Variants in TTC6 observed in about 807,000 individuals in gnomAD.
TTC6 encodes tetratricopeptide repeat domain 6.
Under a neutral mutation model 210.4 loss-of-function variants are expected in TTC6, and 172 were observed. The ratio of observed to expected loss-of-function variants is 0.82; its 90% CI spans 0.72 to 0.93. The LOEUF (loss-of-function observed/expected upper bound fraction) is 0.93. Ranked by LOEUF, TTC6 falls within the 40% of genes least tolerant of loss-of-function variation. TTC6 has a pLI of 0.00. For synonymous variants in TTC6, 804 were observed against 819.6 expected (o/e 0.98, Z 0.32); for missense variants, 2,414 against 2,318.1 (o/e 1.04, Z -0.85).
At chr14:37,804,613 C>T in intron 20 of TTC6, 67 bp from the exon 23 acceptor site, 1 of 1,565,020 alleles carries the variant, frequency 6.4e-7, no homozygotes, top group Non-Finnish European at 8.7e-7. Context: ...ACATATAAGG[C>T]TGTAACGTTA....
chr14:37,676,990 G>A (rs1235295536), intron 1 of TTC6, among the ~76,000 whole-genome samples: 2 of 152,046 alleles, frequency 1.3e-5, no homozygotes, highest in South Asian at 2.1e-4. Flanking sequence ...AAATAGGGAA[G>A]TGTGAGTCCT....
chr14:37,745,385 A>G (rs538670605), intron 10 of TTC6, among the ~76,000 whole-genome samples: 6 of 152,202 alleles, frequency 3.9e-5, no homozygotes, highest in Non-Finnish European at 7.4e-5. Flanking sequence ...CAAGTCTCTG[A>G]TGGTGCCACT....
At chr14:37,757,321 C>T (rs886462454) in intron 14 of TTC6, among the ~76,000 whole-genome samples, 3 of 151,978 alleles carry the variant, frequency 2.0e-5, no homozygotes, top group Admixed American at 2.0e-4. Context: ...AGTGCAGTGG[C>T]TCGATCTTGG....
chr14:37,659,645 C>T (rs566414173), intron 1 of TTC6, among the ~76,000 whole-genome samples: 31 of 152,184 alleles, frequency 2.0e-4, no homozygotes, highest in Admixed American at 3.9e-4. Context: ...CCCAGCCTCC[C>T]GAACAACTGG....
intron 25 of TTC6, among the ~76,000 whole-genome samples, chr14:37,815,134 A>T (rs959385732): frequency 2.0e-5 from 3 of 152,226 alleles, no homozygotes; most frequent in Admixed American, 2.0e-4. Context: ...GATAGTAGAG[A>T]AGAGATGTTC....
intron 9 of TTC6, among the ~76,000 whole-genome samples, chr14:37,738,223 C>T (rs1439901625): frequency 6.6e-6 from 1 of 150,492 alleles, no homozygotes; most frequent in East Asian, 1.9e-4. Flanking sequence ...TAAGCTGATT[C>T]TCTAATGATT....
chr14:37,650,552 T>G (rs2095709352), intron 1 of TTC6, among the ~76,000 whole-genome samples: 1 of 152,216 alleles, frequency 6.6e-6, no homozygotes, highest in Non-Finnish European at 1.5e-5. Flanking sequence ...AAAGCTTTCC[T>G]ATGGGAAAGT....
At chr14:37,794,193 A>G (rs2096086913) in intron 17 of TTC6, among the ~76,000 whole-genome samples, 1 of 152,110 alleles carries the variant, frequency 6.6e-6, no homozygotes, top group Admixed American at 6.5e-5. Context: ...TGATTTATTA[A>G]TTACACCATC....
chr14:37,697,575 G>A (rs2208866), intron 4 of TTC6, among the ~76,000 whole-genome samples: 151,636 of 152,218 alleles, frequency 1, 75,536 homozygotes, highest in Middle Eastern at 1. Context: ...ATGGAAGACA[G>A]CCTTTTTATG....
chr14:37,739,310 C>T (rs1262042817), intron 10 of TTC6, among the ~76,000 whole-genome samples, 155 bp downstream of exon 12: 1 of 152,114 alleles, frequency 6.6e-6, no homozygotes, highest in Non-Finnish European at 1.5e-5. Flanking sequence ...GGCGCCGTGG[C>T]TCATGCCTGT....
At chr14:37,654,690 TAGA>T (rs753886038) in intron 1 of TTC6, among the ~76,000 whole-genome samples, 27 of 152,122 alleles carry the variant, frequency 1.8e-4, no homozygotes, top group Non-Finnish European at 3.5e-4. Context: ...CTTAAGAAAA[TAGA>T]AGAACTGACA....
intron 18 of TTC6, among the ~76,000 whole-genome samples, chr14:37,795,975 T>C (rs1174278054): frequency 6.6e-6 from 1 of 152,148 alleles, no homozygotes; most frequent in Admixed American, 6.6e-5. Context: ...TGTAGATACC[T>C]CCTTCCTTTT....
At chr14:37,701,405 G>C (rs888543227) in exon 5 of TTC6, 1 of 1,532,590 alleles carries the variant, frequency 6.5e-7, no homozygotes, top group African/African-American at 1.4e-5. Context: ...GCTGCCTGTT[G>C]ACTTGCGCCT....
At chr14:37,783,617 T>TG in intron 14 of TTC6, among the ~76,000 whole-genome samples, 1 of 152,306 alleles carries the variant, frequency 6.6e-6, no homozygotes, top group Non-Finnish European at 1.5e-5. Flanking sequence ...GGATTTTTTG[T>TG]GTCTCTATCT....
intron 1 of TTC6, among the ~76,000 whole-genome samples, chr14:37,630,907 G>GTGTTTTTTTTTTTTTTTTTTT (rs2095668293): frequency 3.0e-5 from 1 of 33,064 alleles, no homozygotes. Context: ...GGCAACCCCT[G>GTGTTTTTTTTTTTTTTTTTTT]TTTTTTTTTT....
intron 6 of TTC6, among the ~76,000 whole-genome samples, chr14:37,717,170 A>C (rs76890395): frequency 0.021 from 3,245 of 151,922 alleles, 127 homozygotes; most frequent in African/African-American, 0.074. Flanking sequence ...AGAACCCCCC[A>C]AAAAAAGAGC....
intron 17 of TTC6, among the ~76,000 whole-genome samples, chr14:37,792,991 C>T (rs1023652454): frequency 7.9e-5 from 12 of 152,136 alleles, no homozygotes; most frequent in Admixed American, 5.9e-4. Context: ...GAAAAATCCT[C>T]TCCAATTCCA....
At chr14:37,597,928 C>G (rs1258053788) in intron 1 of TTC6, among the ~76,000 whole-genome samples, 1 of 152,140 alleles carries the variant, frequency 6.6e-6, no homozygotes, top group Non-Finnish European at 1.5e-5. Flanking sequence ...TTGCAAGATA[C>G]CTAACAAATT....
chr14:37,751,830 T>TTTTC (rs2095952966), intron 13 of TTC6, among the ~76,000 whole-genome samples: 1 of 149,034 alleles, frequency 6.7e-6, no homozygotes, highest in Non-Finnish European at 1.5e-5. Context: ...GAACTTTTTT[T>TTTTC]TTTTTTTTTT....
Sources: gnomAD v4.1 joint callset for allele counts (sites outside exome capture counted in the v4.1 genomes callset) on GRCh38, gnomAD v4.1.1 for gene constraint, MANE v1.5 for transcripts, NCBI Gene and HGNC (gene_info 2026-07-23, HGNC 2026-07-21) for gene names.